The following HUWE1 variants were observed in gnomAD, a reference collection of about 807,000 sequenced individuals.
The protein encoded by HUWE1 is E3 ubiquitin-protein ligase HUWE1.
In HUWE1, 18 loss-of-function variants were observed where a neutral mutation model predicts 299.4. The ratio of observed to expected loss-of-function variants is 0.06; its 90% CI spans 0.04 to 0.09. The LOEUF is 0.09. HUWE1 is among the 10% of genes least tolerant of loss of function. The pLI is 1.00. For missense variants in HUWE1, 1,832 were observed against 3,462.3 expected (o/e 0.53, Z 11.82); for synonymous variants, 1,317 against 1,286.1 (o/e 1.02, Z -0.51).
intron 51 of HUWE1, among the ~76,000 whole-genome samples, chrX:53,564,277 G>T (rs781861551): frequency 3.6e-5 from 4 of 111,771 alleles, no homozygotes; most frequent in Non-Finnish European, 7.5e-5. Flanking sequence ...GTAAATCAAA[G>T]ACCCGGGGCC....
At chrX:53,547,417 G>A (rs2061586739) in intron 68 of HUWE1, among the ~76,000 whole-genome samples, 1 of 111,735 alleles carries the variant, frequency 8.9e-6, no homozygotes, top group South Asian at 3.8e-4. Flanking sequence ...GTGAATGCCT[G>A]CTGACCTTCA....
At chrX:53,582,255 G>A (rs994631437) in intron 42 of HUWE1, among the ~76,000 whole-genome samples, 34 of 112,411 alleles carry the variant, frequency 3.0e-4, no homozygotes, top group African/African-American at 1.0e-3. Context: ...TATAGAAAGC[G>A]TTTCAAGCAT....
At chrX:53,634,132 G>A in intron 8 of HUWE1, 104 bp downstream of exon 8, 1 of 638,982 alleles carries the variant, frequency 1.6e-6, no homozygotes, top group Admixed American at 2.3e-5. Flanking sequence ...CAAAGGTCTC[G>A]ATGTGAAGGC....
intron 62 of HUWE1, 60 bp from the exon 63 acceptor site, chrX:53,552,501 G>C: frequency 8.3e-7 from 1 of 1,200,884 alleles, no homozygotes; most frequent in South Asian, 1.8e-5. Flanking sequence ...ATAAAACACT[G>C]CTACAATACC....
chrX:53,535,312 T>C, intron 81 of HUWE1, 72 bp downstream of exon 81: 1 of 666,739 alleles, frequency 1.5e-6, no homozygotes, highest in East Asian at 3.2e-5. Flanking sequence ...AAACAAAACA[T>C]GCCTATCAAA....
In HUWE1 at chrX:53,538,722, A is replaced by T. The variant is rs62617494; in HGVS notation, c.11878+113T>A. Reference sequence around the variant, plus strand: ...TACACACACACACACACACACACACACACTCTCTCTCTCTCTCTCTCTCTC... The same window carrying T: ...TACACACACACACACACACACACACTCACTCTCTCTCTCTCTCTCTCTCTC... On this transcript the variant is annotated intron_variant, in intron 76 of 83. Transcript: ENST00000262854. The T allele has an allele frequency of 0.045, 17,641 of 395,196 alleles. 42 individuals carry two copies. Among genetic ancestry groups the T allele is most frequent in the East Asian group, 0.096 (1,723 of 17,855 alleles). The allele number at this position is 395,196 out of a possible 1,213,427, so 32.6% of individuals were successfully genotyped here. A position where few individuals can be genotyped will look rare whatever the true frequency, so the allele number is the denominator to read the frequency against.
intron 77 of HUWE1, among the ~76,000 whole-genome samples, 158 bp downstream of exon 77, chrX:53,538,179 T>C (rs1298399757): frequency 9.0e-6 from 1 of 111,325 alleles, no homozygotes; most frequent in Non-Finnish European, 1.9e-5. Context: ...TTAGGTATGA[T>C]GGCCATCAAT....
intron 43 of HUWE1, among the ~76,000 whole-genome samples, chrX:53,578,625 A>G (rs1306663511): frequency 1.6e-5 from 1 of 64,421 alleles, no homozygotes; most frequent in Non-Finnish European, 2.8e-5. Context: ...TCCGGGAGGG[A>G]GGTGGGGGAG....
At chrX:53,571,080 A>G (rs2062802711) in intron 47 of HUWE1, among the ~76,000 whole-genome samples, 1 of 112,152 alleles carries the variant, frequency 8.9e-6, no homozygotes, top group African/African-American at 3.2e-5. Context: ...GTCCCAGGCA[A>G]GTTACTTACC....
Position 53,683,119 on chromosome X carries a change from A to G in HUWE1, c.-162-2933T>C, listed in dbSNP as rs782416463. Reference sequence around the variant, plus strand: ...CGCCTGCGCCAAGGGGACCAATGGAAGGGGGAGACAGAGCGGGCTAGAGGA... The same window carrying G: ...CGCCTGCGCCAAGGGGACCAATGGAGGGGGGAGACAGAGCGGGCTAGAGGA... On this transcript the variant is annotated intron_variant, in intron 2 of 83. Transcript: ENST00000262854. 1.6e-3 allele frequency among the ~76,000 whole-genome samples: 180 copies of G among 111,358 alleles called. 4 individuals carry two copies. The South Asian group carries it at 0.068, about 42-fold the overall frequency.
At chrX:53,571,253 T>C (rs1422980411) in intron 47 of HUWE1, among the ~76,000 whole-genome samples, 4 of 112,390 alleles carry the variant, frequency 3.6e-5, no homozygotes, top group Non-Finnish European at 5.6e-5. Context: ...TAATTAAATA[T>C]GTTAACCCAC....
At chrX:53,584,062 A>G in intron 41 of HUWE1, 124 bp downstream of exon 41, 3 of 819,682 alleles carry the variant, frequency 3.7e-6, no homozygotes, top group Non-Finnish European at 3.6e-6. Context: ...ATGAAAAAGC[A>G]TAAGGGAGGC....
At chrX:53,585,689 T>C in intron 39 of HUWE1, among the ~76,000 whole-genome samples, 1 of 111,918 alleles carries the variant, frequency 8.9e-6, no homozygotes, top group Non-Finnish European at 1.9e-5. Context: ...TTATATTAAA[T>C]ATTTTTTTTG....
intron 28 of HUWE1, among the ~76,000 whole-genome samples, chrX:53,601,731 C>T (rs895312511): frequency 1.2e-4 from 13 of 104,137 alleles, no homozygotes; most frequent in Non-Finnish European, 2.2e-4. Context: ...TGCAATGGCG[C>T]GATTTCGGCT....
intron 51 of HUWE1, 105 bp downstream of exon 51, chrX:53,564,469 G>T: frequency 1.1e-6 from 1 of 926,205 alleles, no homozygotes; most frequent in Non-Finnish European, 1.5e-6. Context: ...CTGCAAAGCA[G>T]CCAGCATTGA....
In HUWE1 at chrX:53,538,843, C is replaced by T. The variant is rs1556915795; in HGVS notation, c.11870G>A (p.Arg3957His). 7.5e-6 allele frequency: 9 copies of T among 1,201,756 alleles called. No homozygotes were observed. The highest frequency in any genetic ancestry group is 4.5e-5 in the Admixed American group (2 of 44,877). The change falls in exon 76 of 84, where the codon CGC (arginine) becomes CAC (histidine). Residue 3957 changes from arginine to histidine, a missense_variant. By Grantham distance (29) the Arg-to-His change is conservative. Coordinates refer to ENST00000262854, the MANE Select transcript of HUWE1 (RefSeq NM_031407.7). ...CTAAAAGTTCCCTGTACCTGCAAAG[C>T]GAAGGAACTTCTGTGTGTCAGGGGG... ...SLPPDTQKFL[R>H]FAETHRTVLN... is the part of the protein sequence containing the mutation.
At chrX:53,656,136 G>T (rs1557042837) in intron 3 of HUWE1, among the ~76,000 whole-genome samples, 1 of 108,695 alleles carries the variant, frequency 9.2e-6, no homozygotes, top group East Asian at 2.9e-4. Flanking sequence ...AGCACTTTGG[G>T]AGGCTGAGGC....
chrX:53,632,024 A>G (rs1443495081), intron 9 of HUWE1: 1 of 342,578 alleles, frequency 2.9e-6, no homozygotes, highest in Admixed American at 3.2e-5. Context: ...TGAATAGTAT[A>G]GGTAGAAGAG....
chrX:53,578,185 G>A (rs2063284249), intron 43 of HUWE1, among the ~76,000 whole-genome samples: 1 of 101,218 alleles, frequency 9.9e-6, no homozygotes, highest in African/African-American at 3.7e-5. Flanking sequence ...CCCTGTCTGG[G>A]ATGTGAGGAG....
Sources: allele counts gnomAD v4.1 joint callset (sites outside exome capture counted in the v4.1 genomes callset), GRCh38; gene constraint gnomAD v4.1.1; transcripts MANE v1.5; gene names NCBI Gene and HGNC (gene_info 2026-07-23, HGNC 2026-07-21).